Variants in TYMS observed in about 807,000 individuals in gnomAD.
TYMS encodes the protein thymidylate synthase.
In TYMS, 21 loss-of-function variants were observed where a neutral mutation model predicts 39.3. That is an observed-to-expected ratio of 0.54 (90% confidence interval 0.38 to 0.77). The LOEUF is 0.77. Among genes scored for constraint, TYMS ranks in the 30% least tolerant of loss-of-function variants. TYMS has a pLI of 0.00. For synonymous variants in TYMS, 171 were observed against 162.2 expected (o/e 1.05, Z -0.41); for missense variants, 273 against 406.7 (o/e 0.67, Z 2.83).
In TYMS at chr18:658,610, A is replaced by T; in HGVS notation, c.205+663A>T. 5.3e-6 allele frequency: 1 copy of T among 189,562 alleles called. No individual in the cohort carries two copies. Among genetic ancestry groups the T allele is most frequent in the Non-Finnish European group, 9.8e-6 (1 of 101,602 alleles). The allele number at this position is 189,562 out of a possible 1,614,324, so 11.7% of individuals were successfully genotyped here. ...CCAGGCAAAAAATGTCTCGCGGGTCATTGGCGCCAGGCTTTCAGGGGACAG... is the reference window on the plus strand; with the variant it reads ...CCAGGCAAAAAATGTCTCGCGGGTCTTTGGCGCCAGGCTTTCAGGGGACAG... On this transcript the variant is annotated intron_variant, in intron 1 of 6. Coordinates refer to ENST00000323274, the MANE Select transcript of TYMS (RefSeq NM_001071.4). The surrounding 1 kb of genome is among the most constrained non-coding windows in gnomAD (Gnocchi z 4.5).
intron 3 of TYMS, among the ~76,000 whole-genome samples, chr18:666,925 GGTGAT>G (rs1261167523): frequency 4.6e-5 from 3 of 64,530 alleles, no homozygotes; most frequent in Non-Finnish European, 1.0e-4. Flanking sequence ...TGATGGAGAT[GGTGAT>G]GGTGATGGAG....
intron 3 of TYMS, among the ~76,000 whole-genome samples, chr18:663,899 A>G (rs1002139217): frequency 9.1e-6 from 1 of 110,476 alleles, no homozygotes; most frequent in Non-Finnish European, 1.8e-5. Flanking sequence ...TACCAGTACC[A>G]TACTGTTTTG....
rs2075177394 is a variant in TYMS at position 673,572 on chromosome 18, A to G, written c.*575A>G. On this transcript the variant is annotated 3_prime_UTR_variant, in exon 7 of 7. Coordinates refer to ENST00000323274, the MANE Select transcript of TYMS (RefSeq NM_001071.4). ...TAAAATAGATTAAAGAACTCTCCTT[A>G]AGTAAACATGTGCTGTATTCTGGTT... 1 of 181,628 alleles carries G rather than the reference A, an allele frequency of 5.5e-6. No homozygotes were observed. Among genetic ancestry groups the G allele is most frequent in the Non-Finnish European group, 1.2e-5 (1 of 85,596 alleles). 11.3% of individuals were successfully genotyped at this position (181,628 alleles called of 1,614,324 possible).
chr18:673,015 T>C lies in TYMS; in HGVS notation c.*18T>C. The stretch of plus-strand genomic sequence containing the variant: ...CTGTTTAGGGTGCTTTCAAAGGAGC[T>C]CGAAGGATATTGTCAGTCTTTAGGG... On this transcript the variant is annotated 3_prime_UTR_variant, in exon 7 of 7. Coordinates refer to ENST00000323274, the MANE Select transcript of TYMS (RefSeq NM_001071.4). 6.5e-7 allele frequency: 1 copy of C among 1,540,508 alleles called. No homozygotes were observed. Among genetic ancestry groups the C allele is most frequent in the Non-Finnish European group, 8.9e-7 (1 of 1,126,658 alleles).
chr18:671,470 A>G lies in TYMS; in HGVS notation c.804+19A>G. 1 of 1,567,676 alleles carries G rather than the reference A, an allele frequency of 6.4e-7. No homozygotes were observed. The highest frequency in any genetic ancestry group is 8.8e-7 in the Non-Finnish European group (1 of 1,138,440). On this transcript the variant is annotated intron_variant, in intron 6 of 6. Transcript: ENST00000323274. The stretch of plus-strand genomic sequence containing the variant: ...AATTCAGGTAAGAATTAGATGTTAT[A>G]CTTTTGGGTTTGGTACCTTCTCTTG...
chr18:659,593 C>T lies in TYMS; in HGVS notation c.206-48C>T, dbSNP rs762973347. 5 of 1,526,144 alleles carry T rather than the reference C, an allele frequency of 3.3e-6. No homozygotes were observed. In the Admixed American group the frequency reaches 8.3e-5, roughly 25 times the overall value. The allele number at this position is 1,526,144 out of a possible 1,614,324, so 94.5% of individuals were successfully genotyped here. ...TTCTTCCCTGAAGAAAGTTGGATGG[C>T]ATGATCTGTCTTCCCATCTTGAAAC... is the stretch of plus-strand genomic sequence containing the variant. On this transcript the variant is annotated intron_variant, in intron 1 of 6. Coordinates refer to ENST00000323274, the MANE Select transcript of TYMS (RefSeq NM_001071.4).
At chr18:661,976 ACT>A (rs2074760467) in intron 2 of TYMS, among the ~76,000 whole-genome samples, 168 bp from the exon 3 acceptor site, 3 of 152,208 alleles carry the variant, frequency 2.0e-5, no homozygotes, top group Non-Finnish European at 4.4e-5. Context: ...CAAGAGCGAA[ACT>A]CTCAAAAAAC....
Position 659,581 on chromosome 18 carries a change from A to G in TYMS, c.206-60A>G. ...CCCAGGGCAGTTTTCTTCCCTGAAG[A>G]AAGTTGGATGGCATGATCTGTCTTC... On this transcript the variant is annotated intron_variant, in intron 1 of 6. Coordinates refer to ENST00000323274, the MANE Select transcript of TYMS (RefSeq NM_001071.4). The G allele has an allele frequency of 3.4e-6, 5 of 1,486,374 alleles. No homozygotes were observed. In the South Asian group the frequency reaches 3.4e-5, roughly 10 times the overall value. 92.1% of individuals were successfully genotyped at this position (1,486,374 alleles called of 1,614,324 possible).
chr18:662,209 C>T lies in TYMS; in HGVS notation c.343C>T (p.Arg115Ter), dbSNP rs2046518776. ...GAAAATCTGGGATGCCAATGGATCC[C>T]GAGACTTTTTGGACAGCCTGGGATT... Reference protein sequence around the residue: ...GVKIWDANGSRDFLDSLGFST... With the variant: ...GVKIWDANGS The change falls in exon 3 of 7, where the codon CGA (arginine) becomes TGA (stop). Residue 115 changes from arginine (R) to a stop codon, truncating the protein, a stop_gained. Transcript: ENST00000323274. LOFTEE classifies it high-confidence loss of function. 5.6e-6 allele frequency: 9 copies of T among 1,613,772 alleles called. No individual in the cohort carries two copies. The highest frequency in any genetic ancestry group is 6.8e-6 in the Non-Finnish European group (8 of 1,179,906).
intron 4 of TYMS, chr18:669,409 G>C (rs2144339108): frequency 2.7e-6 from 1 of 364,182 alleles, no homozygotes; most frequent in South Asian, 3.4e-5. Flanking sequence ...GTTTTGCTCT[G>C]TTGCCCAGGC....
Position 658,140 on chromosome 18 carries a change from G to A in TYMS, c.205+193G>A. On this transcript the variant is annotated intron_variant, in intron 1 of 6. Transcript: ENST00000323274. The surrounding 1 kb of genome is among the most constrained non-coding windows in gnomAD (Gnocchi z 4.5). ...TCCCATTAGGGACGTGACTGGCGCGGGCAACACACACAGCAGCGACAGCCG... is the reference window on the plus strand; with the variant it reads ...TCCCATTAGGGACGTGACTGGCGCGAGCAACACACACAGCAGCGACAGCCG... 1 of 1,586,844 alleles carries A rather than the reference G, an allele frequency of 6.3e-7. No homozygotes were observed. Among genetic ancestry groups the A allele is most frequent in the Non-Finnish European group, 8.5e-7 (1 of 1,169,762 alleles).
At chr18:669,022 CAT>C (rs772402370) in intron 3 of TYMS, 48 bp from the exon 4 acceptor site, 20 of 1,487,684 alleles carry the variant, frequency 1.3e-5, no homozygotes, top group Non-Finnish European at 1.6e-5. Flanking sequence ...CATCTCATGA[CAT>C]GTGTGATTAA....
chr18:659,801 T>C, intron 2 of TYMS, 87 bp downstream of exon 2: 6 of 1,209,342 alleles, frequency 5.0e-6, no homozygotes, highest in South Asian at 1.2e-5. Flanking sequence ...AGCAGCCAGG[T>C]GTGGTGGCTC....
rs984445615 is a variant in TYMS at position 657,730 on chromosome 18, C to A, written c.-13C>A. The A allele has an allele frequency of 7.5e-7, 1 of 1,336,240 alleles. No individual in the cohort carries two copies. Among genetic ancestry groups the A allele is most frequent in the Non-Finnish European group, 9.5e-7 (1 of 1,051,420 alleles). The allele number at this position is 1,336,240 out of a possible 1,614,324, so 82.8% of individuals were successfully genotyped here. A position where few individuals can be genotyped will look rare whatever the true frequency, so the allele number is the denominator to read the frequency against. ...CGCCACTTCGCCTGCCTCCGTCCCC[C>A]GCCCGCCGCGCCATGCCTGTGGCCG... On this transcript the variant is annotated 5_prime_UTR_variant, in exon 1 of 7. Coordinates refer to ENST00000323274, the MANE Select transcript of TYMS (RefSeq NM_001071.4).
chr18:658,167 G>A lies in TYMS; in HGVS notation c.205+220G>A, dbSNP rs766672286. 4 of 1,571,602 alleles carry A rather than the reference G, an allele frequency of 2.5e-6. No individual in the cohort carries two copies. Among genetic ancestry groups the A allele is most frequent in the Non-Finnish European group, 3.4e-6 (4 of 1,160,092 alleles). ...CAACACACACAGCAGCGACAGCCGG[G>A]AGGTAAGCCGCGTCCCAGCGGCTCC... On this transcript the variant is annotated intron_variant, in intron 1 of 6. Coordinates refer to ENST00000323274, the MANE Select transcript of TYMS (RefSeq NM_001071.4). The surrounding 1 kb of genome is among the most constrained non-coding windows in gnomAD (Gnocchi z 4.5).
Position 657,809 on chromosome 18 carries a change from G to C in TYMS, c.67G>C (p.Glu23Gln). The change falls in exon 1 of 7, where the codon GAG (glutamate) becomes CAG (glutamine). Residue 23 changes from glutamate (E) to glutamine (Q), a missense_variant. Glu to Gln is a conservative substitution (Grantham distance 29). Coordinates refer to ENST00000323274, the MANE Select transcript of TYMS (RefSeq NM_001071.4). ...CCCCGCCGCACAGGAGCGGGACGCC[G>C]AGCCGCGTCCGCCGCACGGGGAGCT... ...LPPAAQERDA[E>Q]PRPPHGELQY... The C allele has an allele frequency of 6.1e-6, 9 of 1,465,182 alleles. No individual in the cohort carries two copies. The highest frequency in any genetic ancestry group is 8.1e-6 in the Non-Finnish European group (9 of 1,115,362). 90.8% of individuals were successfully genotyped at this position (1,465,182 alleles called of 1,614,324 possible). A position where few individuals can be genotyped will look rare whatever the true frequency, so the allele number is the denominator to read the frequency against.
At chr18:666,693 AT>A (rs2074821990) in intron 3 of TYMS, among the ~76,000 whole-genome samples, 1 of 152,232 alleles carries the variant, frequency 6.6e-6, no homozygotes, top group South Asian at 2.1e-4. Context: ...TAAAATCTAT[AT>A]TTTATGTGCG....
At chr18:671,532 G>A in intron 6 of TYMS, 81 bp downstream of exon 6, 2 of 908,476 alleles carry the variant, frequency 2.2e-6, no homozygotes. Context: ...TCTGCTCAAT[G>A]CTGTGTCCAA....
intron 3 of TYMS, among the ~76,000 whole-genome samples, chr18:667,401 GATGGT>G: frequency 1.9e-4 from 1 of 5,150 alleles, no homozygotes; most frequent in Non-Finnish European, 4.7e-4. Flanking sequence ...TGGAGATGGT[GATGGT>G]GATGGTGATG....
Sources: allele counts gnomAD v4.1 joint callset (sites outside exome capture counted in the v4.1 genomes callset), GRCh38; gene constraint gnomAD v4.1.1; non-coding constraint Gnocchi (gnomAD v3.1); transcripts MANE v1.5; gene names NCBI Gene and HGNC (gene_info 2026-07-23, HGNC 2026-07-21).